Variants in PLCB3 observed in about 807,000 individuals in gnomAD.
PLCB3 encodes the protein 1-phosphatidylinositol 4,5-bisphosphate phosphodiesterase beta-3.
Under a neutral mutation model 152.1 loss-of-function variants are expected in PLCB3, and 54 were observed. That is an observed-to-expected ratio of 0.36 (90% CI 0.29 to 0.45). PLCB3 has a LOEUF of 0.45. Ranked by LOEUF, PLCB3 falls within the 20% of genes least tolerant of loss-of-function variation. The pLI, the probability that PLCB3 is intolerant of heterozygous loss-of-function variation, is 1.00. For missense variants in PLCB3, 1,248 were observed against 1,687.5 expected, an observed-to-expected ratio of 0.74 and a Z score of 4.56; for synonymous variants, 717 against 698.7, an observed-to-expected ratio of 1.03 and a Z score of -0.41.
In PLCB3 at chr11:64,255,572, C is replaced by A; in HGVS notation, c.553C>A (p.Arg185=). Residue 185 remains arginine (R), a synonymous_variant, in exon 7 of 31, where the codon CGG becomes AGG. Transcript: ENST00000279230. This position sits in a 1 kb window ranked among gnomAD's most constrained non-coding sequence, Gnocchi z 6.8. The part of the protein sequence containing the change: ...ILKMFSADKK[R]VETALESCGL... ...GAAGATGTTCTCAGCAGACAAGAAG[C>A]GGGTGGAGACTGCGCTGGAATCCTG... The A allele has an allele frequency of 7.3e-7, 1 of 1,360,904 alleles. No individual in the cohort carries two copies. The highest frequency in any genetic ancestry group is 9.8e-7 in the Non-Finnish European group (1 of 1,020,638). 84.3% of individuals were successfully genotyped at this position (1,360,904 alleles called of 1,614,324 possible).
intron 20 of PLCB3, 46 bp from the exon 21 acceptor site, chr11:64,263,645 C>T (rs2031967323): frequency 1.2e-6 from 2 of 1,601,414 alleles, no homozygotes; most frequent in African/African-American, 1.3e-5. Context: ...GTGGGTAGGG[C>T]CCCCACCTGG....
chr11:64,264,621 G>A (rs1207469269), intron 22 of PLCB3, among the ~76,000 whole-genome samples: 2 of 152,306 alleles, frequency 1.3e-5, no homozygotes, highest in African/African-American at 2.4e-5. Context: ...GAAAATGAGC[G>A]ACTGTAGGCA....
At chr11:64,259,505 A>G (rs779742397) in intron 13 of PLCB3, among the ~76,000 whole-genome samples, 6 of 151,604 alleles carry the variant, frequency 4.0e-5, no homozygotes, top group Non-Finnish European at 7.4e-5. Flanking sequence ...CCTTCCCACA[A>G]CCCGGTGATG....
At position 64,261,507 on chromosome 11, in the gene PLCB3, G is replaced by T. The variant is rs921216186; in HGVS notation, c.1828+11G>T. 3 of 1,612,370 alleles carry T rather than the reference G, an allele frequency of 1.9e-6. No homozygotes were observed. Among genetic ancestry groups the T allele is most frequent in the Non-Finnish European group, 2.5e-6 (3 of 1,178,362 alleles). On this transcript the variant is annotated intron_variant, in intron 15 of 30. Transcript: ENST00000279230. ...TTGAGGCTGCTCGAAGTGAGTGGGGGTGGGTGGCAGGCATGGGAGCTTGCC... is the reference window on the plus strand; with the variant it reads ...TTGAGGCTGCTCGAAGTGAGTGGGGTTGGGTGGCAGGCATGGGAGCTTGCC...
rs1424083878 is a variant in PLCB3, at chr11:64,254,960, G to A, written c.309G>A (p.Leu103=). ...CCGATGCCCGGCTGGAGGAGAAGCT[G>A]ATGACGGTGGTGTCTGGGCCAGACC... ...GGPDARLEEK[L]MTVVSGPDPV... is the part of the protein sequence containing the mutation. The change falls in exon 4 of 31, where the codon CTG becomes CTA. Residue 103 remains leucine, a synonymous_variant. Coordinates refer to ENST00000279230, the MANE Select transcript of PLCB3 (RefSeq NM_000932.5). 1 of 1,600,272 alleles carries A rather than the reference G, an allele frequency of 6.2e-7. No individual in the cohort carries two copies. The highest frequency in any genetic ancestry group is 8.5e-7 in the Non-Finnish European group (1 of 1,171,944).
rs771050979 is a variant in PLCB3, at chr11:64,261,443, C to T, written c.1775C>T (p.Thr592Met). The T allele has an allele frequency of 4.3e-6, 7 of 1,614,116 alleles. No homozygotes were observed. Among genetic ancestry groups the T allele is most frequent in the East Asian group, 2.2e-5 (1 of 44,876 alleles). Residue 592 changes from threonine to methionine, a missense_variant, in exon 15 of 31, where the codon ACG (threonine) becomes ATG (methionine). Coordinates refer to ENST00000279230, the MANE Select transcript of PLCB3 (RefSeq NM_000932.5). ...GTGAATGCCACTGAGGAGATGTCCA[C>T]GCTTGTCAACTACATCGAACCTGTC... ...SEVNATEEMS[T>M]LVNYIEPVKF... is the part of the protein sequence containing the mutation.
At position 64,255,167 on chromosome 11, in the gene PLCB3, C is replaced by T. The variant is rs1199164450; in HGVS notation, c.388-67C>T. The T allele has an allele frequency of 2.0e-6, 3 of 1,531,594 alleles. No homozygotes were observed. Among genetic ancestry groups the T allele is most frequent in the East Asian group, 4.5e-5 (2 of 44,382 alleles). 94.9% of individuals were successfully genotyped at this position (1,531,594 alleles called of 1,614,324 possible). The stretch of plus-strand genomic sequence containing the variant: ...CTGTGTACCAGAGGCAGTTGTGGAC[C>T]TGGGTTGTGGCTGGGCAGCCCCTGT... On this transcript the variant is annotated intron_variant, in intron 4 of 30. Coordinates refer to ENST00000279230, the MANE Select transcript of PLCB3 (RefSeq NM_000932.5). This position sits in a 1 kb window ranked among gnomAD's most constrained non-coding sequence, Gnocchi z 6.8.
At position 64,262,782 on chromosome 11, in the gene PLCB3, G is replaced by A; in HGVS notation, c.2329G>A (p.Asp777Asn). ...SQGNSFNPVWDEEPFDFPKVV... is the reference protein window; with the variant it reads ...SQGNSFNPVWNEEPFDFPKVV... ...GGGGAACTCGTTCAACCCCGTGTGG[G>A]ACGAAGAGCCCTTCGACTTCCCCAA... The change falls in exon 19 of 31, where the codon GAC becomes AAC. Residue 777 changes from aspartate (D) to asparagine (N), a missense_variant. Physicochemically the swap from Asp to Asn is conservative, Grantham distance 23 (BLOSUM62 1). This residue lies in a region of PLCB3 where 244 missense variants were observed against 424.4 expected (regional missense o/e 0.57). Coordinates refer to ENST00000279230, the MANE Select transcript of PLCB3 (RefSeq NM_000932.5). The A allele has an allele frequency of 6.2e-7, 1 of 1,613,730 alleles. No individual in the cohort carries two copies. Among genetic ancestry groups the A allele is most frequent in the Non-Finnish European group, 8.5e-7 (1 of 1,180,018 alleles).
Position 64,267,385 on chromosome 11 carries a change from G to A in PLCB3, c.3534G>A (p.Glu1178=). Residue 1178 remains glutamate (E), a synonymous_variant, in exon 31 of 31, where the codon GAG becomes GAA. Coordinates refer to ENST00000279230, the MANE Select transcript of PLCB3 (RefSeq NM_000932.5). This position sits in a 1 kb window ranked among gnomAD's most constrained non-coding sequence, Gnocchi z 5.2. ...CCCAGCTGGCCCAGGAGTGTCAGGA[G>A]CAGCGGGCGAGGCTCCCCCAGGAGA... ...LLAQLAQECQ[E]QRARLPQEIR... 6.5e-7 allele frequency: 1 copy of A among 1,543,700 alleles called. No homozygotes were observed. The highest frequency in any genetic ancestry group is 2.4e-5 in the East Asian group (1 of 41,066).
At chr11:64,268,982 C>G (rs1163825354), downstream of PLCB3, 1 of 152,332 alleles carries the variant, frequency 6.6e-6, no homozygotes, top group Non-Finnish European at 1.5e-5. Context: ...GCCCTATCCC[C>G]CAGTTCTGCT....
At chr11:64,257,068 G>A (rs1399850696) in intron 10 of PLCB3, among the ~76,000 whole-genome samples, 3 of 139,038 alleles carry the variant, frequency 2.2e-5, no homozygotes, top group East Asian at 2.2e-4. Flanking sequence ...GCAATGGCAC[G>A]ATCTAGGCTC....
chr11:64,265,235 GC>G lies in PLCB3; in HGVS notation c.2842+9del. On this transcript the variant is annotated intron_variant, in intron 24 of 30. Transcript: ENST00000279230. ...TCGCCAGCATCCTCTCAGGTAGGGG[GC>G]GGGGTACCTGGAGGCAGGGGGCTGC... 6.3e-7 allele frequency: 1 copy of G among 1,597,856 alleles called. No individual in the cohort carries two copies. Among genetic ancestry groups the G allele is most frequent in the Non-Finnish European group, 8.5e-7 (1 of 1,171,640 alleles).
At chr11:64,265,812 G>A (rs2032086476) in intron 25 of PLCB3, 74 bp from the exon 26 acceptor site, 19 of 1,532,720 alleles carry the variant, frequency 1.2e-5, no homozygotes, top group Non-Finnish European at 1.7e-5. Flanking sequence ...GCCAGGATGT[G>A]CCCCCCTACA....
In PLCB3 at chr11:64,258,618, G is replaced by C. The variant is rs1349918042; in HGVS notation, c.1158G>C (p.Glu386Asp). The C allele has an allele frequency of 6.2e-7, 1 of 1,613,958 alleles. No homozygotes were observed. Among genetic ancestry groups the C allele is most frequent in the African/African-American group, 1.3e-5 (1 of 74,932 alleles). The change falls in exon 11 of 31, where the codon GAG becomes GAC. Residue 386 changes from glutamate (E) to aspartate (D), a missense_variant. By Grantham distance (45) the Glu-to-Asp change is conservative. Coordinates refer to ENST00000279230, the MANE Select transcript of PLCB3 (RefSeq NM_000932.5). This position sits in a 1 kb window ranked among gnomAD's most constrained non-coding sequence, Gnocchi z 7.2. ...CCCACGGCTTCACCATGACCACAGA[G>C]GTGCCTCTGCGCGACGTGCTGGAGG... Reference protein sequence around the residue: ...FITHGFTMTTEVPLRDVLEAI... With the variant: ...FITHGFTMTTDVPLRDVLEAI...
At chr11:64,262,883 C>A in intron 19 of PLCB3, 75 bp downstream of exon 19, 1 of 1,470,140 alleles carries the variant, frequency 6.8e-7, no homozygotes, top group Non-Finnish European at 9.4e-7. Flanking sequence ...GGTGGGAGAA[C>A]AGGAACCAGG....
chr11:64,263,839 G>C, intron 21 of PLCB3, 44 bp downstream of exon 21: 1 of 1,518,898 alleles, frequency 6.6e-7, no homozygotes, highest in Non-Finnish European at 9.1e-7. Flanking sequence ...GGGAGTGTGA[G>C]GGACAAGGGC....
rs372978072 is a variant in PLCB3, at chr11:64,262,554, G to A, written c.2186G>A (p.Arg729Gln). 2.6e-5 allele frequency: 42 copies of A among 1,613,322 alleles called. No homozygotes were observed. Among genetic ancestry groups the A allele is most frequent in the African/African-American group, 6.7e-5 (5 of 74,904 alleles). Residue 729 changes from arginine (R) to glutamine (Q), a missense_variant, in exon 18 of 31, where the codon CGG (arginine) becomes CAG (glutamine). Around this residue, in one of 6 missense-constraint regions of PLCB3, gnomAD observed 244 missense variants for 424.4 expected, o/e 0.57. Transcript: ENST00000279230. ...GATGGCATCGTGGCCAATGCCTTGC[G>A]GGTCAAGGTGGGGCTTGCGGGCGGC... Reference protein sequence around the residue: ...IVDGIVANALRVKVISGQFLS... With the variant: ...IVDGIVANALQVKVISGQFLS...
In PLCB3 at chr11:64,261,670, C is replaced by A; in HGVS notation, c.1913+5C>A. On this transcript the variant is annotated splice_donor_5th_base_variant and intron_variant, in intron 16 of 30. Transcript: ENST00000279230. ...GAGCCCCATGGAGTTTGTGGAGTATCCTTTGAAGGTGCTGTGGGCGGGCAG... is the reference window on the plus strand; with the variant it reads ...GAGCCCCATGGAGTTTGTGGAGTATACTTTGAAGGTGCTGTGGGCGGGCAG... 1.2e-6 allele frequency: 2 copies of A among 1,613,002 alleles called. No homozygotes were observed. The highest frequency in any genetic ancestry group is 8.5e-7 in the Non-Finnish European group (1 of 1,179,056).
At chr11:64,256,790 C>T (rs376524211) in intron 10 of PLCB3, 26 bp downstream of exon 10, 71 of 1,609,996 alleles carry the variant, frequency 4.4e-5, no homozygotes, top group East Asian at 1.1e-4. Context: ...GGGTGGCACC[C>T]GTGACCTCTG....
Sources: allele counts gnomAD v4.1 joint callset (sites outside exome capture counted in the v4.1 genomes callset), GRCh38; gene constraint gnomAD v4.1.1; regional missense constraint gnomAD v4.1.1; non-coding constraint Gnocchi (gnomAD v3.1); transcripts MANE v1.5; gene names NCBI Gene and HGNC (gene_info 2026-07-23, HGNC 2026-07-21).